BCAS3: variants seen among roughly 807,000 people sequenced by gnomAD.
The protein encoded by BCAS3 is BCAS3 microtubule associated cell migration factor.
BCAS3 carries 53 observed loss-of-function variants against 116.1 expected under a neutral mutation model. The observed-to-expected ratio is 0.46, with a 90% CI of 0.37 to 0.57. The LOEUF (loss-of-function observed/expected upper bound fraction) is 0.57, where lower values mean the gene tolerates loss of function less well. BCAS3 is among the 20% of genes least tolerant of loss of function. The pLI, the probability that BCAS3 is intolerant of heterozygous loss-of-function variation, is 0.00. For missense variants in BCAS3, 917 were observed against 1,165.4 expected (o/e 0.79, Z 3.10); for synonymous variants, 391 against 408.2 (o/e 0.96, Z 0.51).
In BCAS3 at chr17:61,380,538, C is replaced by A; in HGVS notation, c.2594-11439C>A. 6.3e-7 allele frequency: 1 copy of A among 1,598,214 alleles called. No homozygotes were observed. Among genetic ancestry groups the A allele is most frequent in the Middle Eastern group, 1.7e-4 (1 of 6,060 alleles). ...CCTTGACGTAGCAGTAAAAACCTTC[C>A]CCCCTGAGAGACACGTGGCAGTGAA... On this transcript the variant is annotated intron_variant, in intron 23 of 23. Coordinates refer to ENST00000407086, the MANE Select transcript of BCAS3 (RefSeq NM_017679.5). This position sits in a 1 kb window ranked among gnomAD's most constrained non-coding sequence, Gnocchi z 4.2.
intron 14 of BCAS3, among the ~76,000 whole-genome samples, chr17:60,966,004 G>C (rs1027212334): frequency 6.6e-6 from 1 of 152,176 alleles, no homozygotes. Context: ...TTATAGACTT[G>C]AGATGTCCAG....
chr17:61,270,112 A>AT (rs1202865412), intron 22 of BCAS3, among the ~76,000 whole-genome samples: 7,948 of 68,870 alleles, frequency 0.12, 817 homozygotes, highest in Non-Finnish European at 0.16. Flanking sequence ...GCCTTCTGCC[A>AT]TTTTTTTTTT....
intron 7 of BCAS3, among the ~76,000 whole-genome samples, chr17:60,853,037 A>G (rs1214120300): frequency 6.6e-6 from 1 of 152,246 alleles, no homozygotes; most frequent in South Asian, 2.1e-4. Context: ...GAACTTGAAT[A>G]CAACCAAGAT....
Position 60,775,144 on chromosome 17 carries a change from T to C in BCAS3, c.403+27865T>C, listed in dbSNP as rs535445494. On this transcript the variant is annotated intron_variant, in intron 6 of 23. Coordinates refer to ENST00000407086, the MANE Select transcript of BCAS3 (RefSeq NM_017679.5). Reference sequence around the variant, plus strand: ...TAATGTATCTTTGGAGAAGTTAAGTTTCAAACACTTTGAAAGATGCAGGCA... The same window carrying C: ...TAATGTATCTTTGGAGAAGTTAAGTCTCAAACACTTTGAAAGATGCAGGCA... 7.7e-4 allele frequency among the ~76,000 whole-genome samples: 117 copies of C among 152,344 alleles called. 1 individual carries two copies. The highest frequency in any genetic ancestry group is 9.4e-4 in the Non-Finnish European group (64 of 68,030).
intron 22 of BCAS3, among the ~76,000 whole-genome samples, chr17:61,301,593 C>T (rs1045497688): frequency 7.2e-5 from 11 of 152,128 alleles, no homozygotes; most frequent in African/African-American, 1.4e-4. Context: ...GCCGAGATTG[C>T]ACCATTGCAG....
rs1033415323 is a variant in BCAS3 at position 61,229,460 on chromosome 17, C to T, written c.2426-138867C>T. On this transcript the variant is annotated intron_variant, in intron 22 of 23. Transcript: ENST00000407086. This position sits in a 1 kb window ranked among gnomAD's most constrained non-coding sequence, Gnocchi z 4.4. The stretch of plus-strand genomic sequence containing the variant: ...ACAGATATCGATGTAGACAGAACAG[C>T]CTTCTATTGGAAGAAGATGCCATCT... Among the ~76,000 whole-genome samples the T allele has an allele frequency of 3.8e-4, 58 of 152,290 alleles. No homozygotes were observed. Among genetic ancestry groups the T allele is most frequent in the African/African-American group, 1.3e-3 (53 of 41,554 alleles).
chr17:61,259,946 G>T lies in BCAS3; in HGVS notation c.2426-108381G>T, dbSNP rs1413980322. Among the ~76,000 whole-genome samples, 1 of 152,212 alleles carries T rather than the reference G, an allele frequency of 6.6e-6. No homozygotes were observed. The highest frequency in any genetic ancestry group is 6.5e-5 in the Admixed American group (1 of 15,284). On this transcript the variant is annotated intron_variant, in intron 22 of 23. Coordinates refer to ENST00000407086, the MANE Select transcript of BCAS3 (RefSeq NM_017679.5). The surrounding 1 kb of genome is among the most constrained non-coding windows in gnomAD (Gnocchi z 4.7). ...AATAGCCACTATTTATTGAATTGCT[G>T]TGTGAGGTAGGCGTTGTACAGGCTG...
chr17:61,307,746 C>G lies in BCAS3; in HGVS notation c.2426-60581C>G, dbSNP rs1396116260. On this transcript the variant is annotated intron_variant, in intron 22 of 23. Transcript: ENST00000407086. This position sits in a 1 kb window ranked among gnomAD's most constrained non-coding sequence, Gnocchi z 4.7. The stretch of plus-strand genomic sequence containing the variant: ...ACATTCCTGAGTAGGGTCTTAATGG[C>G]CAGTTCAAGAAATAATCAAGTTAAG... Among the ~76,000 whole-genome samples, 2 of 152,156 alleles carry G rather than the reference C, an allele frequency of 1.3e-5. No individual in the cohort carries two copies. The highest frequency in any genetic ancestry group is 4.8e-5 in the African/African-American group (2 of 41,440).
rs1018480477 is a variant in BCAS3, at chr17:61,198,576, A to G, written c.2425+114012A>G. Among the ~76,000 whole-genome samples, 1 of 152,234 alleles carries G rather than the reference A, an allele frequency of 6.6e-6. No homozygotes were observed. Among genetic ancestry groups the G allele is most frequent in the Non-Finnish European group, 1.5e-5 (1 of 68,040 alleles). On this transcript the variant is annotated intron_variant, in intron 22 of 23. Transcript: ENST00000407086. The surrounding 1 kb of genome is among the most constrained non-coding windows in gnomAD (Gnocchi z 5.0). ...AATAGATCAGTTAAGTTTTGCAAGA[A>G]GGTGAAAGTAGACAAACATGTTTTT...
chr17:61,199,814 A>C lies in BCAS3; in HGVS notation c.2425+115250A>C, dbSNP rs2080719757. 6.6e-6 allele frequency among the ~76,000 whole-genome samples: 1 copy of C among 152,294 alleles called. No individual in the cohort carries two copies. Among genetic ancestry groups the C allele is most frequent in the East Asian group, 1.9e-4 (1 of 5,184 alleles). On this transcript the variant is annotated intron_variant, in intron 22 of 23. Coordinates refer to ENST00000407086, the MANE Select transcript of BCAS3 (RefSeq NM_017679.5). This position sits in a 1 kb window ranked among gnomAD's most constrained non-coding sequence, Gnocchi z 4.6. Reference sequence around the variant, plus strand: ...TATCCCTTTTCCAAAAGCCCGGTAAAGTTAGTTTGCTTAAAACTACCTGAA... The same window carrying C: ...TATCCCTTTTCCAAAAGCCCGGTAACGTTAGTTTGCTTAAAACTACCTGAA...
chr17:60,931,435 C>G (rs2059638873), intron 13 of BCAS3, among the ~76,000 whole-genome samples: 1 of 152,008 alleles, frequency 6.6e-6, no homozygotes, highest in African/African-American at 2.4e-5. Flanking sequence ...GCCACCACAC[C>G]TTGCTAATTT....
At chr17:60,758,351 A>G (rs1463943555) in intron 6 of BCAS3, among the ~76,000 whole-genome samples, 1 of 152,072 alleles carries the variant, frequency 6.6e-6, no homozygotes, top group African/African-American at 2.4e-5. Flanking sequence ...TTTTTGTTTC[A>G]TTGATACTTT....
rs1165798554 is a variant in BCAS3, at chr17:61,326,011, C to T, written c.2426-42316C>T. On this transcript the variant is annotated intron_variant, in intron 22 of 23. Coordinates refer to ENST00000407086, the MANE Select transcript of BCAS3 (RefSeq NM_017679.5). This position sits in a 1 kb window ranked among gnomAD's most constrained non-coding sequence, Gnocchi z 5.3. ...AAGCACCCACCATTCATTTGTTTGG[C>T]ATCCATCAAATCTCTATAAATGCTA... Among the ~76,000 whole-genome samples, 2 of 152,204 alleles carry T rather than the reference C, an allele frequency of 1.3e-5. No homozygotes were observed. The highest frequency in any genetic ancestry group is 4.8e-5 in the African/African-American group (2 of 41,446).
At chr17:61,142,471 C>T (rs1437004570) in intron 22 of BCAS3, among the ~76,000 whole-genome samples, 1 of 152,106 alleles carries the variant, frequency 6.6e-6, no homozygotes, top group East Asian at 1.9e-4. Context: ...AAACAAAAGT[C>T]CTGTGTATCT....
intron 11 of BCAS3, among the ~76,000 whole-genome samples, chr17:60,910,248 A>T (rs2058421785): frequency 6.6e-6 from 1 of 152,208 alleles, no homozygotes; most frequent in Admixed American, 6.5e-5. Context: ...ATATAATTGT[A>T]CCCTTATGTA....
chr17:60,909,116 T>G (rs7217689), intron 11 of BCAS3, among the ~76,000 whole-genome samples: 1 of 152,180 alleles, frequency 6.6e-6, no homozygotes, highest in African/African-American at 2.4e-5. Flanking sequence ...ACATAGTTTA[T>G]GTTAAGTGCC....
chr17:60,727,335 G>A, intron 5 of BCAS3: 1 of 1,409,992 alleles, frequency 7.1e-7, no homozygotes, highest in South Asian at 1.2e-5. Context: ...GGCCTTCTCT[G>A]CCCACCATAG....
chr17:60,854,121 A>G (rs1005191264), intron 7 of BCAS3, among the ~76,000 whole-genome samples: 6 of 151,962 alleles, frequency 3.9e-5, no homozygotes, highest in Non-Finnish European at 5.9e-5. Context: ...TCATTGTTCA[A>G]TTCCCACCTG....
In BCAS3 at chr17:61,326,798, A is replaced by G. The variant is rs1043582542; in HGVS notation, c.2426-41529A>G. Among the ~76,000 whole-genome samples the G allele has an allele frequency of 3.3e-5, 5 of 152,272 alleles. No homozygotes were observed. The East Asian group carries it at 9.7e-4, about 29-fold the overall frequency. On this transcript the variant is annotated intron_variant, in intron 22 of 23. Transcript: ENST00000407086. The surrounding 1 kb of genome is among the most constrained non-coding windows in gnomAD (Gnocchi z 5.3). ...TCAGATCTATGGGTCTTCAGCACAG[A>G]AGAGGTGTTTGGTCTAGGGGTTTCC...
Sources: allele counts gnomAD v4.1 joint callset (sites outside exome capture counted in the v4.1 genomes callset), GRCh38; gene constraint gnomAD v4.1.1; non-coding constraint Gnocchi (gnomAD v3.1); transcripts MANE v1.5; gene names NCBI Gene and HGNC (gene_info 2026-07-23, HGNC 2026-07-21).